Variants in COL11A1 observed in about 807,000 individuals in gnomAD.
COL11A1 encodes collagen alpha-1(XI) chain.
A neutral mutation model predicts 265.2 loss-of-function variants in COL11A1; 74 were observed. That is an observed-to-expected ratio of 0.28 (90% CI 0.23 to 0.34). The LOEUF (loss-of-function observed/expected upper bound fraction) is 0.34. Ranked by LOEUF, COL11A1 falls within the 10% of genes least tolerant of loss-of-function variation. The pLI is 1.00. For synonymous variants in COL11A1, 816 were observed against 727.6 expected (o/e 1.12, Z -1.96); for missense variants, 2,165 against 2,263.6 (o/e 0.96, Z 0.88).
chr1:103,033,953 G>A (rs1259702101), intron 4 of COL11A1, among the ~76,000 whole-genome samples: 2 of 152,136 alleles, frequency 1.3e-5, no homozygotes, highest in South Asian at 2.1e-4. Flanking sequence ...GCATTTGAGA[G>A]TCAGTTTTGC....
At chr1:103,083,211 A>G (rs1388046852) in intron 1 of COL11A1, among the ~76,000 whole-genome samples, 1 of 146,748 alleles carries the variant, frequency 6.8e-6, no homozygotes, top group East Asian at 2.0e-4. Context: ...GTTAAGCAAC[A>G]CAGAAGGGGT....
chr1:102,889,404 T>A (rs755030542), intron 59 of COL11A1, 51 bp downstream of exon 59: 2 of 1,072,350 alleles, frequency 1.9e-6, no homozygotes, highest in African/African-American at 3.1e-5. Context: ...TGTGTGTGTG[T>A]GTGTGTATTA....
chr1:102,927,128 T>C (rs527412797), intron 46 of COL11A1, among the ~76,000 whole-genome samples: 2 of 152,102 alleles, frequency 1.3e-5, no homozygotes, highest in Admixed American at 1.3e-4. Context: ...AATTTTATAA[T>C]CATATTTATA....
At chr1:103,046,279 T>TG (rs71094596) in intron 4 of COL11A1, among the ~76,000 whole-genome samples, 8 of 39,942 alleles carry the variant, frequency 2.0e-4, no homozygotes, top group Non-Finnish European at 3.5e-4. Flanking sequence ...CTCCAGCACC[T>TG]TTTTAATGAT....
chr1:102,996,949 A>G, intron 26 of COL11A1, 131 bp downstream of exon 26: 1 of 754,886 alleles, frequency 1.3e-6, no homozygotes, highest in East Asian at 2.5e-5. Flanking sequence ...AATTAAAAGT[A>G]GTCTAAGATA....
chr1:103,021,841 T>G lies in COL11A1; in HGVS notation c.1246-72A>C, dbSNP rs1350661049. Reference sequence around the variant, plus strand: ...TTCTTTCTTTCTTTCTTTTCTTCTTTTTTTTTTTCTTTCTTTCTTTTTTGA... The same window carrying G: ...TTCTTTCTTTCTTTCTTTTCTTCTTGTTTTTTTTCTTTCTTTCTTTTTTGA... On this transcript the variant is annotated intron_variant, in intron 8 of 66. Transcript: ENST00000370096. 8 of 1,154,688 alleles carry G rather than the reference T, an allele frequency of 6.9e-6. No individual in the cohort carries two copies. In the East Asian group the frequency reaches 1.9e-4, roughly 27 times the overall value. 71.5% of individuals were successfully genotyped at this position (1,154,688 alleles called of 1,614,324 possible). A position where few individuals can be genotyped will look rare whatever the true frequency, so the allele number is the denominator to read the frequency against.
Position 102,912,185 on chromosome 1 carries a change from C to T in COL11A1, c.4060G>A (p.Gly1354Ser). 1.2e-6 allele frequency: 2 copies of T among 1,611,506 alleles called. No homozygotes were observed. Among genetic ancestry groups the T allele is most frequent in the Non-Finnish European group, 1.7e-6 (2 of 1,178,928 alleles). ...CGTTTTCCAGGAGGACCTGGTGGGC[C>T]AGCCTCACCAGATGGGCCAGGAGGA... ...PGPPGPSGEA[G>S]PPGPPGKRGP... The change falls in exon 54 of 67, where the codon GGC (glycine) becomes AGC (serine). Residue 1354 changes from glycine to serine, a missense_variant. Transcript: ENST00000370096.
rs1763347 is a variant in COL11A1, at chr1:102,888,872, A to G, written c.4512T>C (p.Gly1504=). 1,202,383 of 1,611,910 alleles carry G rather than the reference A, an allele frequency of 0.75. 457,887 individuals are homozygous for G. The highest frequency in any genetic ancestry group is 0.82 in the Admixed American group (48,883 of 59,952). ...AGPLGPPGPP[G]LPGPQGPKGN... ...TATTTTGTCTTGTACTTACTGGTAAACCTGGAGGACCAGGTGGACCTAAGG... is the reference window on the plus strand; with the variant it reads ...TATTTTGTCTTGTACTTACTGGTAAGCCTGGAGGACCAGGTGGACCTAAGG... The change falls in exon 60 of 67, where the codon GGT becomes GGC. Residue 1504 remains glycine, a synonymous_variant. Transcript: ENST00000370096.
chr1:102,985,287 T>A (rs1477939598), intron 30 of COL11A1, among the ~76,000 whole-genome samples: 1 of 152,082 alleles, frequency 6.6e-6, no homozygotes, highest in Non-Finnish European at 1.5e-5. Context: ...TAAAAATAAG[T>A]ATTTTACTGG....
rs1284115273 is a variant in COL11A1 at position 103,108,120 on chromosome 1, G to A, written c.59C>T (p.Thr20Ile). 1 of 1,613,874 alleles carries A rather than the reference G, an allele frequency of 6.2e-7. No individual in the cohort carries two copies. The highest frequency in any genetic ancestry group is 2.2e-5 in the East Asian group (1 of 44,800). ...TKRWLWDFTVTTLALTFLFQA... is the reference protein window; with the variant it reads ...TKRWLWDFTVITLALTFLFQA... ...GAAGAGGAAGGTCAATGCGAGGGTTGTTACGGTGAAATCCCAGAGCCACCG... is the reference window on the plus strand; with the variant it reads ...GAAGAGGAAGGTCAATGCGAGGGTTATTACGGTGAAATCCCAGAGCCACCG... Residue 20 changes from threonine to isoleucine, a missense_variant, in exon 1 of 67, where the codon ACA (threonine) becomes ATA (isoleucine). Transcript: ENST00000370096.
At chr1:102,890,772 T>C (rs1651669801) in intron 57 of COL11A1, among the ~76,000 whole-genome samples, 1 of 152,124 alleles carries the variant, frequency 6.6e-6, no homozygotes. Context: ...CAGTTAAGAA[T>C]AAAGTGTCAA....
chr1:102,906,601 G>A (rs989686102), intron 54 of COL11A1, among the ~76,000 whole-genome samples: 2 of 151,842 alleles, frequency 1.3e-5, no homozygotes, highest in African/African-American at 4.8e-5. Context: ...TGAAGATGAG[G>A]GTCTCACTAT....
chr1:102,965,132 T>C (rs971590322), intron 38 of COL11A1, among the ~76,000 whole-genome samples: 16 of 152,320 alleles, frequency 1.1e-4, no homozygotes, highest in African/African-American at 3.6e-4. Flanking sequence ...TTTTATAATT[T>C]AAAATTCTAG....
chr1:102,909,860 T>C (rs2101002057), intron 54 of COL11A1, among the ~76,000 whole-genome samples: 1 of 152,084 alleles, frequency 6.6e-6, no homozygotes, highest in Non-Finnish European at 1.5e-5. Flanking sequence ...TTGTCGATCA[T>C]TATCCATTCC....
chr1:103,089,295 A>C (rs1455400135), intron 1 of COL11A1, among the ~76,000 whole-genome samples: 2 of 152,194 alleles, frequency 1.3e-5, no homozygotes, highest in Non-Finnish European at 2.9e-5. Context: ...AAACCTAAGC[A>C]TGACTTATTC....
chr1:103,025,984 A>C (rs746761863), intron 6 of COL11A1: 6 of 1,594,420 alleles, frequency 3.8e-6, no homozygotes. Flanking sequence ...GGAATGGAAA[A>C]CATAAATAAA....
chr1:102,917,771 T>C (rs751665156), intron 49 of COL11A1, among the ~76,000 whole-genome samples: 2 of 151,996 alleles, frequency 1.3e-5, no homozygotes, highest in South Asian at 2.1e-4. Flanking sequence ...TTAGAATTTA[T>C]GTATGTGCTT....
chr1:102,906,954 GA>G (rs1217062381), intron 54 of COL11A1, among the ~76,000 whole-genome samples: 1 of 152,052 alleles, frequency 6.6e-6, no homozygotes, highest in African/African-American at 2.4e-5. Context: ...ATGTAAAACA[GA>G]AAGAAGCAAT....
rs61159892 is a variant in COL11A1, at chr1:102,943,482, C to CACACACACACACAA, written c.3277-3049_3277-3048insTTGTGTGTGTGTGT. Among the ~76,000 whole-genome samples the CACACACACACACAA allele has an allele frequency of 9.3e-4, 113 of 120,984 alleles. 1 individual carries two copies. The highest frequency in any genetic ancestry group is 3.7e-3 in the African/African-American group (110 of 29,846). The allele number at this position is 120,984 out of a possible 152,430, so 79.4% of individuals were successfully genotyped here. A position where few individuals can be genotyped will look rare whatever the true frequency, so the allele number is the denominator to read the frequency against. On this transcript the variant is annotated intron_variant, in intron 42 of 66. Coordinates refer to ENST00000370096, the MANE Select transcript of COL11A1 (RefSeq NM_001854.4). ...ACACACACACACACACACACACACA[C>CACACACACACACAA]ACAAACAACCTCATGGACTATTTTT...
Sources: gnomAD v4.1 joint callset for allele counts (sites outside exome capture counted in the v4.1 genomes callset) on GRCh38, gnomAD v4.1.1 for gene constraint, MANE v1.5 for transcripts, NCBI Gene and HGNC (gene_info 2026-07-23, HGNC 2026-07-21) for gene names.